CERS6: variants seen among roughly 807,000 people sequenced by gnomAD.
CERS6 encodes LAG1 homolog, ceramide synthase 6.
In CERS6, 26 loss-of-function variants were observed where a neutral mutation model predicts 56.8. The ratio of observed to expected loss-of-function variants is 0.46; its 90% CI spans 0.34 to 0.63. The LOEUF is 0.63. CERS6 is among the 30% of genes least tolerant of loss of function. The pLI, the probability that CERS6 is intolerant of heterozygous loss-of-function variation, is 0.01. For synonymous variants in CERS6, 164 were observed against 173.3 expected, an observed-to-expected ratio of 0.95 and a Z score of 0.42; for missense variants, 415 against 467.5, an observed-to-expected ratio of 0.89 and a Z score of 1.04.
In CERS6 at chr2:168,547,535, T is replaced by G. The variant is rs111792473; in HGVS notation, c.171-61T>G. 7.4e-5 allele frequency: 68 copies of G among 915,838 alleles called. 2 individuals are homozygous for G. Among genetic ancestry groups the G allele is most frequent in the African/African-American group, 7.2e-4 (42 of 58,056 alleles). 56.7% of individuals were successfully genotyped at this position (915,838 alleles called of 1,614,324 possible). ...TTGAGTAATGTGTAACTGGTGGCAT[T>G]AAGAATCACATAGAAAGAATAAATT... On this transcript the variant is annotated intron_variant, in intron 1 of 9. Transcript: ENST00000305747.
intron 3 of CERS6, among the ~76,000 whole-genome samples, chr2:168,621,301 T>G: frequency 6.6e-6 from 1 of 152,230 alleles, no homozygotes; most frequent in East Asian, 1.9e-4. Flanking sequence ...TCATATTGAC[T>G]GAATTTAATT....
chr2:168,725,356 G>A (rs1363960283), intron 8 of CERS6, among the ~76,000 whole-genome samples: 1 of 152,278 alleles, frequency 6.6e-6, no homozygotes, highest in Non-Finnish European at 1.5e-5. Context: ...ACAGTGCAGT[G>A]GTGGGCTGAA....
chr2:168,748,188 A>G (rs1000308528), intron 8 of CERS6, among the ~76,000 whole-genome samples: 1 of 152,118 alleles, frequency 6.6e-6, no homozygotes, highest in African/African-American at 2.4e-5. Context: ...TTCCTCTCCA[A>G]TTTAAGGTAT....
chr2:168,466,298 A>C (rs1270505743), intron 1 of CERS6, among the ~76,000 whole-genome samples: 1 of 152,216 alleles, frequency 6.6e-6, no homozygotes, highest in African/African-American at 2.4e-5. Context: ...GGAGGAGTCT[A>C]GGATTAAAGT....
intron 4 of CERS6, chr2:168,644,021 C>A: frequency 1.1e-6 from 1 of 875,182 alleles, no homozygotes; most frequent in Non-Finnish European, 1.4e-6. Flanking sequence ...AGGGAAATGC[C>A]ATTTTGTTAA....
chr2:168,547,474 C>T (rs138428798), intron 1 of CERS6, 122 bp from the exon 2 acceptor site: 47 of 607,348 alleles, frequency 7.7e-5, no homozygotes, highest in African/African-American at 7.5e-4. Flanking sequence ...TGACAATGTA[C>T]ACCCATGAAA....
chr2:168,749,596 G>A (rs1684202408), intron 8 of CERS6, among the ~76,000 whole-genome samples: 1 of 104,648 alleles, frequency 9.6e-6, no homozygotes, highest in Admixed American at 1.0e-4. Context: ...CTGTGGCTAA[G>A]TGAGGCTGCC....
At chr2:168,701,913 A>G (rs560301338) in intron 6 of CERS6, among the ~76,000 whole-genome samples, 1 of 152,304 alleles carries the variant, frequency 6.6e-6, no homozygotes, top group Admixed American at 6.5e-5. Context: ...ACATCCTCCC[A>G]TATACTTTAA....
chr2:168,511,285 A>G (rs1694783107), intron 1 of CERS6, among the ~76,000 whole-genome samples: 1 of 152,234 alleles, frequency 6.6e-6, no homozygotes. Context: ...TTTAAAAAAT[A>G]AATGTCCTGG....
At chr2:168,489,563 C>T (rs1366128677) in intron 1 of CERS6, among the ~76,000 whole-genome samples, 1 of 148,946 alleles carries the variant, frequency 6.7e-6, no homozygotes, top group Non-Finnish European at 1.5e-5. Flanking sequence ...GCTCATTTGT[C>T]TCAACAAATT....
intron 1 of CERS6, among the ~76,000 whole-genome samples, chr2:168,535,958 CT>C (rs1695255841): frequency 6.6e-6 from 1 of 151,804 alleles, no homozygotes; most frequent in Non-Finnish European, 1.5e-5. Context: ...AAATTGCCTA[CT>C]TAACGTCTTT....
At position 168,470,298 on chromosome 2, in the gene CERS6, G is replaced by A. The variant is rs1048359739; in HGVS notation, c.170+13680G>A. The stretch of plus-strand genomic sequence containing the variant: ...CCCCAGAGGCTGAGATGGGAGGATC[G>A]CTTGAGCTCAGGAGGTCCAGGCTGC... On this transcript the variant is annotated intron_variant, in intron 1 of 9. Coordinates refer to ENST00000305747, the MANE Select transcript of CERS6 (RefSeq NM_203463.3). Among the ~76,000 whole-genome samples, 10 of 151,660 alleles carry A rather than the reference G, an allele frequency of 6.6e-5. No individual in the cohort carries two copies. In the South Asian group the frequency reaches 8.3e-4, roughly 13 times the overall value.
chr2:168,663,632 A>G (rs1685686629), intron 4 of CERS6, among the ~76,000 whole-genome samples: 1 of 152,142 alleles, frequency 6.6e-6, no homozygotes, highest in Non-Finnish European at 1.5e-5. Context: ...TCATATACAT[A>G]TTGTATCGTT....
chr2:168,592,542 G>C (rs1574086195), intron 3 of CERS6, among the ~76,000 whole-genome samples: 2 of 152,142 alleles, frequency 1.3e-5, no homozygotes, highest in African/African-American at 4.8e-5. Context: ...GCAGCATGGG[G>C]TGGAGGCAGG....
At chr2:168,722,736 G>A (rs947191062) in intron 8 of CERS6, among the ~76,000 whole-genome samples, 1 of 152,170 alleles carries the variant, frequency 6.6e-6, no homozygotes. Flanking sequence ...TAATAAGCCA[G>A]GAGGTCAGAC....
At chr2:168,720,479 T>C (rs920914985) in intron 8 of CERS6, among the ~76,000 whole-genome samples, 5 of 152,162 alleles carry the variant, frequency 3.3e-5, no homozygotes, top group African/African-American at 9.7e-5. Flanking sequence ...AGTATCTTGA[T>C]TGACATTCTT....
At chr2:168,497,013 C>G (rs889347162) in intron 1 of CERS6, among the ~76,000 whole-genome samples, 4 of 152,194 alleles carry the variant, frequency 2.6e-5, no homozygotes, top group Admixed American at 1.3e-4. Context: ...TCTGCCATTT[C>G]TAATCTAGCC....
intron 4 of CERS6, among the ~76,000 whole-genome samples, chr2:168,660,882 T>TA (rs780159717): frequency 1.3e-5 from 2 of 152,220 alleles, no homozygotes; most frequent in African/African-American, 4.8e-5. Context: ...ATCATCTCTT[T>TA]CCTAGAGTAT....
chr2:168,696,605 A>G (rs1686653131), intron 6 of CERS6, among the ~76,000 whole-genome samples: 1 of 152,220 alleles, frequency 6.6e-6, no homozygotes, highest in African/African-American at 2.4e-5. Flanking sequence ...CTAGAAGGTG[A>G]GGTGCCCCAG....
Sources: allele counts gnomAD v4.1 joint callset (sites outside exome capture counted in the v4.1 genomes callset), GRCh38; gene constraint gnomAD v4.1.1; transcripts MANE v1.5; gene names NCBI Gene and HGNC (gene_info 2026-07-23, HGNC 2026-07-21).